GINS2: variants seen among roughly 807,000 people sequenced by gnomAD.
GINS2 encodes DNA replication complex GINS protein PSF2.
GINS2 carries 23 observed loss-of-function variants against 21.2 expected under a neutral mutation model. That is an observed-to-expected ratio of 1.08 (90% confidence interval 0.78 to 1.53). The LOEUF (loss-of-function observed/expected upper bound fraction) is 1.53, where lower values mean the gene tolerates loss of function less well. Ranked by LOEUF, GINS2 falls within the 40% of genes most tolerant of loss-of-function variation. GINS2 has a pLI of 0.00. For synonymous variants in GINS2, 118 were observed against 85.6 expected (o/e 1.38, Z -2.09); for missense variants, 323 against 233.9 (o/e 1.38, Z -2.49).
chr16:85,679,388 A>C (rs1039897761), intron 3 of GINS2, among the ~76,000 whole-genome samples: 1 of 152,266 alleles, frequency 6.6e-6, no homozygotes, highest in Non-Finnish European at 1.5e-5. Context: ...TAACCTTTGA[A>C]GAAAAACTAC....
intron 3 of GINS2, among the ~76,000 whole-genome samples, chr16:85,678,919 G>A (rs1250238858): frequency 6.6e-6 from 1 of 152,224 alleles, no homozygotes; most frequent in Non-Finnish European, 1.5e-5. Flanking sequence ...GTTTACCTAA[G>A]AAAATTAGTA....
Position 85,687,742 on chromosome 16 carries a change from G to A in GINS2, c.91-168C>T, listed in dbSNP as rs947017585. 1.2e-5 allele frequency: 6 copies of A among 488,122 alleles called. No individual in the cohort carries two copies. The Admixed American group carries it at 1.6e-4, about 13-fold the overall frequency. 30.2% of individuals were successfully genotyped at this position (488,122 alleles called of 1,614,324 possible). A position where few individuals can be genotyped will look rare whatever the true frequency, so the allele number is the denominator to read the frequency against. On this transcript the variant is annotated intron_variant, in intron 1 of 4. Coordinates refer to ENST00000253462, the MANE Select transcript of GINS2 (RefSeq NM_016095.3). ...CTCAGAACAAAGCGCCTCCTGAGCGGCTCCGAGACACCTGCGAGCGTGGGG... is the reference window on the plus strand; with the variant it reads ...CTCAGAACAAAGCGCCTCCTGAGCGACTCCGAGACACCTGCGAGCGTGGGG...
At chr16:85,683,230 T>C (rs2053748812) in intron 2 of GINS2, among the ~76,000 whole-genome samples, 1 of 151,930 alleles carries the variant, frequency 6.6e-6, no homozygotes, top group African/African-American at 2.4e-5. Flanking sequence ...CTCACTAGGC[T>C]CCCCTTTTTG....
intron 2 of GINS2, among the ~76,000 whole-genome samples, 174 bp from the exon 3 acceptor site, chr16:85,681,855 T>G (rs572737463): frequency 1.3e-5 from 2 of 152,250 alleles, no homozygotes; most frequent in Admixed American, 1.3e-4. Context: ...TGAGGCCTCC[T>G]CCTTGAAACT....
chr16:85,688,189 C>T (rs1173541125), intron 1 of GINS2, among the ~76,000 whole-genome samples: 2 of 152,194 alleles, frequency 1.3e-5, no homozygotes, highest in Non-Finnish European at 2.9e-5. Context: ...AATCCCAGCC[C>T]TTTGGGAGGC....
chr16:85,684,359 T>C (rs778077815), intron 2 of GINS2, among the ~76,000 whole-genome samples: 12 of 151,818 alleles, frequency 7.9e-5, no homozygotes, highest in South Asian at 2.1e-4. Context: ...GCTGGGCACA[T>C]TGATGCACAC....
At chr16:85,679,510 A>G (rs1189448435) in intron 3 of GINS2, among the ~76,000 whole-genome samples, 3 of 152,268 alleles carry the variant, frequency 2.0e-5, no homozygotes, top group Non-Finnish European at 4.4e-5. Context: ...AACCACTGGT[A>G]CAAAATTTAT....
chr16:85,682,119 T>C (rs2053739163), intron 2 of GINS2, among the ~76,000 whole-genome samples: 1 of 138,836 alleles, frequency 7.2e-6, no homozygotes, highest in Non-Finnish European at 1.5e-5. Context: ...TTCAACCTCC[T>C]GGGCTCAAGC....
chr16:85,682,751 TC>T (rs1306678144), intron 2 of GINS2, among the ~76,000 whole-genome samples: 2 of 152,116 alleles, frequency 1.3e-5, no homozygotes, highest in Admixed American at 6.5e-5. Flanking sequence ...CCCTCAGCCC[TC>T]CCCCTCTACA....
chr16:85,688,660 G>A, intron 1 of GINS2, 149 bp downstream of exon 1: 1 of 432,850 alleles, frequency 2.3e-6, no homozygotes, highest in Non-Finnish European at 4.1e-6. Flanking sequence ...CCGAGAAGCG[G>A]GAACGGCGGT....
chr16:85,687,324 C>A, intron 2 of GINS2, 136 bp downstream of exon 2: 2 of 528,432 alleles, frequency 3.8e-6, no homozygotes, highest in Non-Finnish European at 6.9e-6. Flanking sequence ...TTCCTTTCAG[C>A]TGATCAGTAG....
Position 85,688,828 on chromosome 16 carries a change from TC to T in GINS2, c.70del (p.Asp24ThrfsTer29). The T allele has an allele frequency of 6.5e-7, 1 of 1,543,338 alleles. No individual in the cohort carries two copies. Among genetic ancestry groups the T allele is most frequent in the South Asian group, 1.2e-5 (1 of 83,316 alleles). ...LVTIIPNFSL[D>X]KIYLIGGDLG... ...CCTCACCCCGATGAGGTAGATCTTG[TC>T]CAGACTGAAGTTGGGGATAATGGTA... is the stretch of plus-strand genomic sequence containing the variant. On this transcript the variant is annotated frameshift_variant, in exon 1 of 5. Coordinates refer to ENST00000253462, the MANE Select transcript of GINS2 (RefSeq NM_016095.3). LOFTEE classifies it high-confidence loss of function.
intron 2 of GINS2, among the ~76,000 whole-genome samples, 169 bp from the exon 3 acceptor site, chr16:85,681,850 C>G: frequency 6.6e-6 from 1 of 152,016 alleles, no homozygotes; most frequent in East Asian, 1.9e-4. Flanking sequence ...TGATTTGAGG[C>G]CTCCTCCTTG....
chr16:85,681,560 C>T (rs2053733145), intron 3 of GINS2, 22 bp downstream of exon 3: 2 of 1,407,390 alleles, frequency 1.4e-6, no homozygotes, highest in East Asian at 2.3e-5. Context: ...GGTGTGGCCT[C>T]TAAGAGGTGA....
intron 2 of GINS2, among the ~76,000 whole-genome samples, 175 bp downstream of exon 2, chr16:85,687,285 G>A (rs981966307): frequency 6.6e-6 from 1 of 152,252 alleles, no homozygotes; most frequent in African/African-American, 2.4e-5. Context: ...GTGGTTAGCA[G>A]ACTCTGCTGA....
chr16:85,687,673 G>A lies in GINS2; in HGVS notation c.91-99C>T, dbSNP rs961452931. 4.6e-6 allele frequency: 3 copies of A among 647,732 alleles called. No individual in the cohort carries two copies. The South Asian group carries it at 7.1e-5, about 15-fold the overall frequency. The allele number at this position is 647,732 out of a possible 1,614,324, so 40.1% of individuals were successfully genotyped here. ...AAATAAGAGGCAAGGCATTGCAGAGGCTGAAGTCCAAATGCAAATAATAAA... is the reference window on the plus strand; with the variant it reads ...AAATAAGAGGCAAGGCATTGCAGAGACTGAAGTCCAAATGCAAATAATAAA... On this transcript the variant is annotated intron_variant, in intron 1 of 4. Coordinates refer to ENST00000253462, the MANE Select transcript of GINS2 (RefSeq NM_016095.3).
chr16:85,681,462 G>A (rs543133331), intron 3 of GINS2, 120 bp downstream of exon 3: 1 of 642,660 alleles, frequency 1.6e-6, no homozygotes, highest in East Asian at 2.8e-5. Context: ...AAACAGGGCG[G>A]CCAGTGTTGC....
chr16:85,682,255 T>G (rs1352208737), intron 2 of GINS2, among the ~76,000 whole-genome samples: 2 of 152,124 alleles, frequency 1.3e-5, no homozygotes, highest in Non-Finnish European at 2.9e-5. Flanking sequence ...GCTCAAGTGA[T>G]CGCCCTGCCT....
At chr16:85,679,779 C>T (rs56244744) in intron 3 of GINS2, among the ~76,000 whole-genome samples, 1 of 152,224 alleles carries the variant, frequency 6.6e-6, no homozygotes, top group Non-Finnish European at 1.5e-5. Context: ...TAGATCCTCT[C>T]CCTTCCAGCT....
Sources: allele counts gnomAD v4.1 joint callset (sites outside exome capture counted in the v4.1 genomes callset), GRCh38; gene constraint gnomAD v4.1.1; transcripts MANE v1.5; gene names NCBI Gene and HGNC (gene_info 2026-07-23, HGNC 2026-07-21).